The following GNB5 variants were observed in gnomAD, a reference collection of about 807,000 sequenced individuals.
The protein encoded by GNB5 is guanine nucleotide-binding protein subunit beta-5.
GNB5 carries 37 observed loss-of-function variants against 55.3 expected under a neutral mutation model. The ratio of observed to expected loss-of-function variants is 0.67; its 90% CI spans 0.51 to 0.88. The LOEUF is 0.88. Among genes scored for constraint, GNB5 ranks in the 40% least tolerant of loss-of-function variants. The pLI, the probability that GNB5 is intolerant of heterozygous loss-of-function variation, is 0.00. For synonymous variants in GNB5, 219 were observed against 198.5 expected (o/e 1.10, Z -0.87); for missense variants, 476 against 515.3 (o/e 0.92, Z 0.74).
At chr15:52,161,571 G>A (rs2034333957) in intron 3 of GNB5, among the ~76,000 whole-genome samples, 1 of 152,202 alleles carries the variant, frequency 6.6e-6, no homozygotes, top group Admixed American at 6.5e-5. Flanking sequence ...AAAGGGCTGG[G>A]ATTACAGGTG....
chr15:52,189,602 A>G (rs1356645317), intron 1 of GNB5, among the ~76,000 whole-genome samples: 2 of 152,174 alleles, frequency 1.3e-5, no homozygotes, highest in Admixed American at 6.6e-5. Context: ...AAGAAAATAT[A>G]TGTTCACATA....
chr15:52,153,222 G>C (rs1377512814), intron 4 of GNB5, among the ~76,000 whole-genome samples: 1 of 152,212 alleles, frequency 6.6e-6, no homozygotes, highest in Non-Finnish European at 1.5e-5. Flanking sequence ...GGAGAGGCCA[G>C]CTACCATGTT....
At chr15:52,142,371 T>C (rs1180759049) in intron 6 of GNB5, among the ~76,000 whole-genome samples, 3 of 152,208 alleles carry the variant, frequency 2.0e-5, no homozygotes, top group Non-Finnish European at 4.4e-5. Context: ...TGCAAAAGGG[T>C]GATTTATTTT....
intron 5 of GNB5, chr15:52,149,582 G>A: frequency 1.7e-6 from 1 of 591,758 alleles, no homozygotes; most frequent in South Asian, 2.1e-5. Context: ...AAGACAAATA[G>A]TACATGCAGT....
intron 3 of GNB5, among the ~76,000 whole-genome samples, chr15:52,178,211 A>G (rs1026601138): frequency 6.6e-6 from 1 of 152,200 alleles, no homozygotes; most frequent in African/African-American, 2.4e-5. Flanking sequence ...GGGTCCCAAC[A>G]CTTAGCAGGG....
intron 3 of GNB5, among the ~76,000 whole-genome samples, chr15:52,165,836 C>T (rs2034440344): frequency 6.6e-6 from 1 of 152,134 alleles, no homozygotes; most frequent in Non-Finnish European, 1.5e-5. Flanking sequence ...CAAATTCACA[C>T]ATAACAATAT....
In GNB5 at chr15:52,191,337, C is replaced by G. The variant is rs774472616; in HGVS notation, c.-34G>C. 6.6e-6 allele frequency: 1 copy of G among 152,380 alleles called. No individual in the cohort carries two copies. Among genetic ancestry groups the G allele is most frequent in the Non-Finnish European group, 1.5e-5 (1 of 68,098 alleles). 9.4% of individuals were successfully genotyped at this position (152,380 alleles called of 1,614,324 possible). A position where few individuals can be genotyped will look rare whatever the true frequency, so the allele number is the denominator to read the frequency against. On this transcript the variant is annotated 5_prime_UTR_variant, in exon 1 of 13. Coordinates refer to ENST00000261837, the MANE Select transcript of GNB5 (RefSeq NM_016194.4). ...ATGCACATACCTTCCAGAGTCAGCA[C>G]TGGGAGCCACAGAGCAGATGGTGAG...
At chr15:52,147,784 T>C (rs977684566) in intron 5 of GNB5, among the ~76,000 whole-genome samples, 27 of 152,158 alleles carry the variant, frequency 1.8e-4, no homozygotes, top group Non-Finnish European at 1.0e-4. Context: ...GGTTTCGCCA[T>C]GTTGGCCAGG....
chr15:52,165,387 A>T (rs2034430323), intron 3 of GNB5, among the ~76,000 whole-genome samples: 1 of 152,158 alleles, frequency 6.6e-6, no homozygotes, highest in African/African-American at 2.4e-5. Flanking sequence ...CCCTTTAAAG[A>T]TCAACCCCAA....
chr15:52,164,505 G>A (rs1182054097), intron 3 of GNB5, among the ~76,000 whole-genome samples: 1 of 151,736 alleles, frequency 6.6e-6, no homozygotes, highest in Non-Finnish European at 1.5e-5. Flanking sequence ...AGACACACCT[G>A]TAGTCCCAGT....
chr15:52,182,311 G>C (rs2034783344), intron 2 of GNB5, among the ~76,000 whole-genome samples: 1 of 152,206 alleles, frequency 6.6e-6, no homozygotes, highest in Non-Finnish European at 1.5e-5. Flanking sequence ...AGGCAAGGCA[G>C]CCTCATCTCA....
intron 3 of GNB5, among the ~76,000 whole-genome samples, chr15:52,175,961 A>T (rs112393809): frequency 0.016 from 2,492 of 152,238 alleles, 117 homozygotes; most frequent in South Asian, 0.15. Context: ...AGGCAGGAGA[A>T]CTGCTTGAAC....
chr15:52,186,088 GA>G (rs1233709433), intron 1 of GNB5, among the ~76,000 whole-genome samples: 21 of 152,088 alleles, frequency 1.4e-4, no homozygotes, highest in Non-Finnish European at 3.1e-4. Context: ...CTCATCTCTT[GA>G]AACTGCTTGC....
At chr15:52,125,630 G>A in intron 11 of GNB5, 1 of 202,404 alleles carries the variant, frequency 4.9e-6, no homozygotes, top group Non-Finnish European at 1.0e-5. Flanking sequence ...TTCCCTTTGG[G>A]GCATGAAGAG....
At chr15:52,126,624 G>T (rs1596053254) in intron 10 of GNB5, among the ~76,000 whole-genome samples, 1 of 152,144 alleles carries the variant, frequency 6.6e-6, no homozygotes, top group Middle Eastern at 3.4e-3. Flanking sequence ...TGTTTTGGTT[G>T]TGTTTAATTT....
intron 1 of GNB5, among the ~76,000 whole-genome samples, chr15:52,187,424 G>A (rs936312278): frequency 5.9e-5 from 9 of 152,132 alleles, no homozygotes; most frequent in Admixed American, 1.3e-4. Flanking sequence ...ATGTTCTGGA[G>A]AAGAGGAAAT....
rs2033124631 is a variant in GNB5 at position 52,115,149 on chromosome 15, T to C, written c.*7608A>G. 1 of 152,206 alleles carries C rather than the reference T, an allele frequency of 6.6e-6. No individual in the cohort carries two copies. The highest frequency in any genetic ancestry group is 2.4e-5 in the African/African-American group (1 of 41,468). 9.4% of individuals were successfully genotyped at this position (152,206 alleles called of 1,614,324 possible). A position where few individuals can be genotyped will look rare whatever the true frequency, so the allele number is the denominator to read the frequency against. On this transcript the variant is annotated 3_prime_UTR_variant, in exon 13 of 13. Transcript: ENST00000261837. ...TGCAAGACAGTCATGATTTTACCTT[T>C]TTGTACATTAAACTTTAGCAGCAAG...
At chr15:52,168,101 T>C (rs1426458557) in intron 3 of GNB5, among the ~76,000 whole-genome samples, 2 of 152,226 alleles carry the variant, frequency 1.3e-5, no homozygotes, top group African/African-American at 4.8e-5. Flanking sequence ...AAGACAAAGA[T>C]GCCCTCTCTC....
At chr15:52,180,631 G>A (rs1429607446) in intron 2 of GNB5, 1 of 152,144 alleles carries the variant, frequency 6.6e-6, no homozygotes, top group Middle Eastern at 3.2e-3. Context: ...TGGGGCTTCT[G>A]AGCCCACGCC....
Sources: gnomAD v4.1 joint callset for allele counts (sites outside exome capture counted in the v4.1 genomes callset) on GRCh38, gnomAD v4.1.1 for gene constraint, MANE v1.5 for transcripts, NCBI Gene and HGNC (gene_info 2026-07-23, HGNC 2026-07-21) for gene names.